GNA14: variants seen among roughly 807,000 people sequenced by gnomAD.
GNA14 encodes the protein guanine nucleotide-binding protein subunit alpha-14.
Under a neutral mutation model 42.0 loss-of-function variants are expected in GNA14, and 50 were observed. That is an observed-to-expected ratio of 1.19 (90% CI 0.95 to 1.51). The LOEUF (loss-of-function observed/expected upper bound fraction) is 1.51, where lower values mean the gene tolerates loss of function less well. GNA14 is among the 40% of genes most tolerant of loss of function. The pLI, the probability that GNA14 is intolerant of heterozygous loss-of-function variation, is 0.00. For missense variants in GNA14, 473 were observed against 446.2 expected (o/e 1.06, Z -0.54); for synonymous variants, 173 against 163.1 (o/e 1.06, Z -0.46).
At chr9:77,449,649 T>C (rs1210811212) in intron 2 of GNA14, among the ~76,000 whole-genome samples, 4 of 152,200 alleles carry the variant, frequency 2.6e-5, no homozygotes, top group Admixed American at 2.6e-4. Flanking sequence ...TCCCCAATCT[T>C]TGAAAAAGGC....
intron 4 of GNA14, among the ~76,000 whole-genome samples, chr9:77,429,492 C>T (rs1273657414): frequency 1.3e-5 from 2 of 152,206 alleles, no homozygotes; most frequent in Non-Finnish European, 2.9e-5. Flanking sequence ...ATCCTTTCTG[C>T]ATTCCCTGGA....
chr9:77,584,503 A>G (rs987700753), intron 1 of GNA14, among the ~76,000 whole-genome samples: 1 of 151,082 alleles, frequency 6.6e-6, no homozygotes, highest in Non-Finnish European at 1.5e-5. Context: ...CAGTCCTGTG[A>G]CTTACCCCCC....
intron 2 of GNA14, among the ~76,000 whole-genome samples, chr9:77,463,880 T>C (rs1351927577): frequency 6.6e-6 from 1 of 152,184 alleles, no homozygotes; most frequent in African/African-American, 2.4e-5. Flanking sequence ...AGTGCATGTA[T>C]GGATTCCTCT....
chr9:77,504,647 G>C (rs995890031), intron 2 of GNA14, among the ~76,000 whole-genome samples: 3 of 142,298 alleles, frequency 2.1e-5, no homozygotes, highest in Admixed American at 1.4e-4. Flanking sequence ...CATGGTTCTA[G>C]AAGTCTGGCC....
At chr9:77,621,828 T>C (rs7855749) in intron 1 of GNA14, among the ~76,000 whole-genome samples, 6,615 of 152,298 alleles carry the variant, frequency 0.043, 504 homozygotes, top group African/African-American at 0.15. Context: ...AACACAAATA[T>C]TTGTTTTGAA....
chr9:77,591,559 G>A (rs1440075022), intron 1 of GNA14, among the ~76,000 whole-genome samples: 1 of 152,126 alleles, frequency 6.6e-6, no homozygotes, highest in African/African-American at 2.4e-5. Context: ...GTCAAATGAA[G>A]ATAATTAACA....
chr9:77,482,359 T>C (rs1836570683), intron 2 of GNA14, among the ~76,000 whole-genome samples: 1 of 152,218 alleles, frequency 6.6e-6, no homozygotes, highest in Admixed American at 6.5e-5. Flanking sequence ...AAAATTCTTT[T>C]CTTTAAGAAT....
At chr9:77,486,170 T>A (rs1836656985) in intron 2 of GNA14, among the ~76,000 whole-genome samples, 1 of 152,234 alleles carries the variant, frequency 6.6e-6, no homozygotes, top group African/African-American at 2.4e-5. Flanking sequence ...CTAGATATTT[T>A]GGATAACTTG....
intron 1 of GNA14, among the ~76,000 whole-genome samples, chr9:77,556,852 T>C (rs1379534762): frequency 2.0e-5 from 3 of 152,180 alleles, no homozygotes. Context: ...CTTCAGCCGT[T>C]TGGGGAGGAT....
intron 2 of GNA14, among the ~76,000 whole-genome samples, chr9:77,525,037 C>A (rs1837413567): frequency 6.6e-6 from 1 of 152,166 alleles, no homozygotes; most frequent in Non-Finnish European, 1.5e-5. Flanking sequence ...GGATTTTTTA[C>A]ATGGCCCATG....
chr9:77,477,155 G>C (rs911312307), intron 2 of GNA14, among the ~76,000 whole-genome samples: 4 of 152,086 alleles, frequency 2.6e-5, no homozygotes, highest in African/African-American at 9.7e-5. Flanking sequence ...CCAGGAGCTC[G>C]AGACGAGCCG....
intron 2 of GNA14, among the ~76,000 whole-genome samples, chr9:77,444,329 C>T (rs1294917391): frequency 2.6e-5 from 4 of 152,216 alleles, no homozygotes; most frequent in Admixed American, 2.6e-4. Context: ...CATTTAACTC[C>T]TGCCTGGATC....
chr9:77,437,739 G>T, intron 2 of GNA14, among the ~76,000 whole-genome samples: 1 of 152,202 alleles, frequency 6.6e-6, no homozygotes, highest in East Asian at 1.9e-4. Flanking sequence ...CATGAGACAA[G>T]ATGGCGCCTC....
intron 1 of GNA14, among the ~76,000 whole-genome samples, chr9:77,624,679 G>A (rs537575017): frequency 6.6e-6 from 1 of 152,166 alleles, no homozygotes; most frequent in Non-Finnish European, 1.5e-5. Flanking sequence ...CAGCAGAGGG[G>A]CCTGACTGTT....
At chr9:77,458,904 A>AGCGG (rs55765810) in intron 2 of GNA14, among the ~76,000 whole-genome samples, 4,812 of 134,254 alleles carry the variant, frequency 0.036, 294 homozygotes, top group African/African-American at 0.11. Flanking sequence ...CACAAGCTGG[A>AGCGG]GGGGGGGGGG....
At chr9:77,589,506 CAT>C (rs1460217766) in intron 1 of GNA14, among the ~76,000 whole-genome samples, 2 of 152,088 alleles carry the variant, frequency 1.3e-5, no homozygotes, top group African/African-American at 4.8e-5. Context: ...ACTTATATTT[CAT>C]TCTCAAAAGC....
chr9:77,622,487 G>A (rs990084774), intron 1 of GNA14, among the ~76,000 whole-genome samples: 11 of 152,080 alleles, frequency 7.2e-5, no homozygotes, highest in Middle Eastern at 3.4e-3. Flanking sequence ...AATTTTTTTC[G>A]GCCAGGCAGG....
At chr9:77,599,964 CCT>C (rs1823529496) in intron 1 of GNA14, among the ~76,000 whole-genome samples, 3 of 152,286 alleles carry the variant, frequency 2.0e-5, no homozygotes, top group Admixed American at 6.5e-5. Flanking sequence ...AACAATATTT[CCT>C]TTTTCTATTA....
chr9:77,627,908 A>G (rs567887944), intron 1 of GNA14, among the ~76,000 whole-genome samples: 1 of 152,316 alleles, frequency 6.6e-6, no homozygotes, highest in South Asian at 2.1e-4. Context: ...CAGGCAAGAG[A>G]AAGAAAAAAA....
Sources: gnomAD v4.1 joint callset for allele counts (sites outside exome capture counted in the v4.1 genomes callset) on GRCh38, gnomAD v4.1.1 for gene constraint, MANE v1.5 for transcripts, NCBI Gene and HGNC (gene_info 2026-07-23, HGNC 2026-07-21) for gene names.